The following PPFIA2 variants were observed in gnomAD, a reference collection of about 807,000 sequenced individuals.
PPFIA2 encodes PPFI scaffold protein A2.
PPFIA2 carries 46 observed loss-of-function variants against 175.5 expected under a neutral mutation model. That is an observed-to-expected ratio of 0.26 (90% confidence interval 0.21 to 0.34). The LOEUF (loss-of-function observed/expected upper bound fraction) is 0.34, where lower values mean the gene tolerates loss of function less well. PPFIA2 is among the 10% of genes least tolerant of loss of function. The pLI, the probability that PPFIA2 is intolerant of heterozygous loss-of-function variation, is 1.00. For synonymous variants in PPFIA2, 568 were observed against 511.4 expected (o/e 1.11, Z -1.49); for missense variants, 1,179 against 1,506.1 (o/e 0.78, Z 3.60).
intron 4 of PPFIA2, among the ~76,000 whole-genome samples, chr12:81,621,759 A>C (rs2062064818): frequency 6.6e-6 from 1 of 152,194 alleles, no homozygotes. Flanking sequence ...AAAACTACAG[A>C]AGTATCAGGT....
chr12:81,620,653 T>A (rs1445322889), intron 4 of PPFIA2, among the ~76,000 whole-genome samples: 1 of 152,192 alleles, frequency 6.6e-6, no homozygotes, highest in South Asian at 2.1e-4. Flanking sequence ...TCTGCCTTAG[T>A]GACACATTGG....
intron 4 of PPFIA2, among the ~76,000 whole-genome samples, chr12:81,532,361 G>A (rs1427470231): frequency 6.6e-6 from 1 of 151,688 alleles, no homozygotes; most frequent in Non-Finnish European, 1.5e-5. Context: ...AAATCATATA[G>A]TCCCTGAGAG....
At chr12:81,573,454 C>T (rs2072943750) in intron 4 of PPFIA2, among the ~76,000 whole-genome samples, 2 of 151,894 alleles carry the variant, frequency 1.3e-5, no homozygotes, top group Non-Finnish European at 1.5e-5. Flanking sequence ...TGTTTATAGA[C>T]ATCCATTCTT....
chr12:81,353,645 T>C (rs982994562), intron 16 of PPFIA2, among the ~76,000 whole-genome samples: 1 of 152,160 alleles, frequency 6.6e-6, no homozygotes, highest in African/African-American at 2.4e-5. Context: ...TGTAATACTT[T>C]TCCTTATTTC....
Position 81,586,236 on chromosome 12 carries a change from C to T in PPFIA2, c.303+90555G>A, listed in dbSNP as rs140798935. Reference sequence around the variant, plus strand: ...AAATAATTACAATCAAGAATATTTACGATACAATAATTAGGTTATGTCCAT... The same window carrying T: ...AAATAATTACAATCAAGAATATTTATGATACAATAATTAGGTTATGTCCAT... On this transcript the variant is annotated intron_variant, in intron 4 of 32. Coordinates refer to ENST00000549396, the MANE Select transcript of PPFIA2 (RefSeq NM_003625.5). 4.0e-3 allele frequency among the ~76,000 whole-genome samples: 614 copies of T among 151,946 alleles called. 3 individuals carry two copies. Among genetic ancestry groups the T allele is most frequent in the African/African-American group, 9.9e-3 (410 of 41,504 alleles).
intron 22 of PPFIA2, among the ~76,000 whole-genome samples, chr12:81,314,262 T>C (rs1311360739): frequency 6.6e-6 from 1 of 151,928 alleles, no homozygotes; most frequent in South Asian, 2.1e-4. Context: ...AGAAGTTTTT[T>C]CTGATTAATT....
At chr12:81,647,856 A>G (rs2066401520) in intron 4 of PPFIA2, among the ~76,000 whole-genome samples, 1 of 139,704 alleles carries the variant, frequency 7.2e-6, no homozygotes, top group Non-Finnish European at 1.5e-5. Context: ...AATATATAAC[A>G]TATATAATAT....
At chr12:81,539,949 G>T (rs889930183) in intron 4 of PPFIA2, among the ~76,000 whole-genome samples, 11 of 151,948 alleles carry the variant, frequency 7.2e-5, no homozygotes, top group African/African-American at 2.7e-4. Context: ...TCTGATTAAA[G>T]AAACTCAAAT....
intron 10 of PPFIA2, among the ~76,000 whole-genome samples, chr12:81,375,113 G>A (rs1444916367): frequency 6.6e-6 from 1 of 152,108 alleles, no homozygotes; most frequent in African/African-American, 2.4e-5. Flanking sequence ...TTAGACTGGA[G>A]TTGGAGAGGT....
intron 4 of PPFIA2, among the ~76,000 whole-genome samples, chr12:81,510,518 T>C (rs2061654674): frequency 6.6e-6 from 1 of 152,164 alleles, no homozygotes; most frequent in African/African-American, 2.4e-5. Flanking sequence ...CAAAGCTCTT[T>C]ACAGATTTTA....
intron 4 of PPFIA2, among the ~76,000 whole-genome samples, chr12:81,674,542 C>G (rs892005516): frequency 1.3e-5 from 2 of 151,936 alleles, no homozygotes; most frequent in Non-Finnish European, 2.9e-5. Flanking sequence ...CTGGCGCATG[C>G]CTGTGATCTC....
rs569029798 is a variant in PPFIA2 at position 81,450,805 on chromosome 12, A to G, written c.406-5085T>C. Reference sequence around the variant, plus strand: ...TTAAGTCTTTAATCCATCTTGAATTAATTTTTGTATAAGGTGTAAGGAAGG... The same window carrying G: ...TTAAGTCTTTAATCCATCTTGAATTGATTTTTGTATAAGGTGTAAGGAAGG... On this transcript the variant is annotated intron_variant, in intron 5 of 32. Coordinates refer to ENST00000549396, the MANE Select transcript of PPFIA2 (RefSeq NM_003625.5). 2.4e-4 allele frequency among the ~76,000 whole-genome samples: 36 copies of G among 152,204 alleles called. 1 individual carries two copies. In the South Asian group the frequency reaches 7.1e-3, roughly 30 times the overall value.
At chr12:81,589,712 T>C (rs1404765546) in intron 4 of PPFIA2, among the ~76,000 whole-genome samples, 3 of 152,126 alleles carry the variant, frequency 2.0e-5, no homozygotes, top group Admixed American at 1.3e-4. Context: ...AGAAAAACTA[T>C]ATTACTCCCT....
At chr12:81,496,298 G>C (rs7305591) in intron 4 of PPFIA2, among the ~76,000 whole-genome samples, 77,882 of 151,966 alleles carry the variant, frequency 0.51, 20,213 homozygotes, top group African/African-American at 0.58. Context: ...TGTGTGATCC[G>C]TGATTTAATT....
At chr12:81,652,035 T>G (rs2067109396) in intron 4 of PPFIA2, among the ~76,000 whole-genome samples, 1 of 151,636 alleles carries the variant, frequency 6.6e-6, no homozygotes, top group East Asian at 1.9e-4. Context: ...GTTGATTTCT[T>G]TATTTGTAAA....
At chr12:81,403,068 T>G (rs533512205) in intron 8 of PPFIA2, among the ~76,000 whole-genome samples, 92 of 152,302 alleles carry the variant, frequency 6.0e-4, no homozygotes, top group Non-Finnish European at 1.2e-3. Flanking sequence ...ATAATTATTC[T>G]AAAGCATTTA....
At chr12:81,654,183 A>T (rs2067435042) in intron 4 of PPFIA2, among the ~76,000 whole-genome samples, 2 of 152,056 alleles carry the variant, frequency 1.3e-5, no homozygotes, top group East Asian at 3.9e-4. Flanking sequence ...ATAATAATAA[A>T]ATGAGAAAAT....
At chr12:81,418,858 T>C (rs1243114247) in intron 7 of PPFIA2, among the ~76,000 whole-genome samples, 2 of 152,054 alleles carry the variant, frequency 1.3e-5, no homozygotes, top group Middle Eastern at 3.4e-3. Flanking sequence ...TGATAATGTG[T>C]TTTTTCACAT....
chr12:81,490,442 G>A (rs1352073091), intron 4 of PPFIA2, among the ~76,000 whole-genome samples: 1 of 151,772 alleles, frequency 6.6e-6, no homozygotes, highest in Non-Finnish European at 1.5e-5. Context: ...TTGCCACCAC[G>A]AATGTTTCTA....
Sources: gnomAD v4.1 joint callset for allele counts (sites outside exome capture counted in the v4.1 genomes callset) on GRCh38, gnomAD v4.1.1 for gene constraint, MANE v1.5 for transcripts, NCBI Gene and HGNC (gene_info 2026-07-23, HGNC 2026-07-21) for gene names.